The following SCO1 variants were observed in gnomAD, a reference collection of about 807,000 sequenced individuals.
SCO1 encodes the protein synthesis of cytochrome C oxidase 1.
A neutral mutation model predicts 34.0 loss-of-function variants in SCO1; 23 were observed. The observed-to-expected ratio is 0.68, with a 90% CI of 0.49 to 0.96. The LOEUF is 0.96. Ranked by LOEUF, SCO1 falls within the 40% of genes least tolerant of loss-of-function variation. The pLI, the probability that SCO1 is intolerant of heterozygous loss-of-function variation, is 0.00. For synonymous variants in SCO1, 161 were observed against 145.5 expected, an observed-to-expected ratio of 1.11 and a Z score of -0.77; for missense variants, 404 against 381.6, an observed-to-expected ratio of 1.06 and a Z score of -0.49.
intron 1 of SCO1, among the ~76,000 whole-genome samples, chr17:10,696,665 G>A (rs2074729806): frequency 6.6e-6 from 1 of 150,488 alleles, no homozygotes; most frequent in South Asian, 2.1e-4. Flanking sequence ...TGAAGATGAT[G>A]TTGGCCAACT....
chr17:10,695,211 A>C (rs1203453755), intron 2 of SCO1, among the ~76,000 whole-genome samples: 1 of 152,174 alleles, frequency 6.6e-6, no homozygotes, highest in Non-Finnish European at 1.5e-5. Flanking sequence ...AGCCTTCTCA[A>C]ATCTCAAGGC....
chr17:10,685,789 C>T (rs1328123268), intron 5 of SCO1, among the ~76,000 whole-genome samples: 1 of 152,204 alleles, frequency 6.6e-6, no homozygotes, highest in Non-Finnish European at 1.5e-5. Context: ...AAGTGTTGTT[C>T]CAAATGATGG....
chr17:10,692,000 C>T, intron 3 of SCO1, 36 bp from the exon 4 acceptor site: 1 of 1,436,088 alleles, frequency 7.0e-7, no homozygotes, highest in Non-Finnish European at 9.8e-7. Flanking sequence ...TATTCACACC[C>T]TAAGGGAAAA....
intron 5 of SCO1, among the ~76,000 whole-genome samples, chr17:10,681,701 GT>G (rs751524876): frequency 6.6e-6 from 1 of 152,146 alleles, no homozygotes; most frequent in Non-Finnish European, 1.5e-5. Context: ...TTAAGTGTTG[GT>G]GAAAAACTGC....
rs1050763914 is a variant in SCO1 at position 10,673,480 on chromosome 17, G to A, written c.*7639C>T. On this transcript the variant is annotated 3_prime_UTR_variant, in exon 6 of 6. Transcript: ENST00000255390. ...GCCATACAAAGGCCTGCCCTGCTTC[G>A]GGCACTGAACGCTTGCCTGTCTCCG... is the stretch of plus-strand genomic sequence containing the variant. 3 of 152,280 alleles carry A rather than the reference G, an allele frequency of 2.0e-5. No homozygotes were observed. Among genetic ancestry groups the A allele is most frequent in the South Asian group, 2.1e-4 (1 of 4,822 alleles). The allele number at this position is 152,280 out of a possible 1,614,324, so 9.4% of individuals were successfully genotyped here. A position where few individuals can be genotyped will look rare whatever the true frequency, so the allele number is the denominator to read the frequency against.
In SCO1 at chr17:10,681,210, T is replaced by C. The variant is rs1374456020; in HGVS notation, c.815A>G (p.Glu272Gly). ...GTTCTGGCCAAAATAATCTAGAAAC[T>C]CACCATCTGGTCCAATCAAGTACAT... is the stretch of plus-strand genomic sequence containing the variant. ...IIMYLIGPDGEFLDYFGQNKR... is the reference protein window; with the variant it reads ...IIMYLIGPDGGFLDYFGQNKR... The change falls in exon 6 of 6, where the codon GAG becomes GGG. Residue 272 changes from glutamate to glycine, a missense_variant. Physicochemically the swap from Glu to Gly is moderately conservative, Grantham distance 98. Coordinates refer to ENST00000255390, the MANE Select transcript of SCO1 (RefSeq NM_004589.4). The C allele has an allele frequency of 6.2e-7, 1 of 1,614,008 alleles. No individual in the cohort carries two copies. The highest frequency in any genetic ancestry group is 1.3e-5 in the African/African-American group (1 of 74,920).
chr17:10,691,799 G>C, intron 4 of SCO1, 73 bp downstream of exon 4: 4 of 923,756 alleles, frequency 4.3e-6, no homozygotes, highest in Non-Finnish European at 7.0e-6. Flanking sequence ...ACAAGGCACT[G>C]TAAGGTTCAA....
rs1198219916 is a variant in SCO1 at position 10,680,158 on chromosome 17, T to C, written c.*961A>G. The C allele has an allele frequency of 6.6e-6, 1 of 152,268 alleles. No homozygotes were observed. The highest frequency in any genetic ancestry group is 2.4e-5 in the African/African-American group (1 of 41,458). 9.4% of individuals were successfully genotyped at this position (152,268 alleles called of 1,614,324 possible). Reference sequence around the variant, plus strand: ...TCCGAGTCACCTGGGGTATCTGTCATGGAAGCAGGTCTCTGCATCATACTG... The same window carrying C: ...TCCGAGTCACCTGGGGTATCTGTCACGGAAGCAGGTCTCTGCATCATACTG... On this transcript the variant is annotated 3_prime_UTR_variant, in exon 6 of 6. Transcript: ENST00000255390.
At chr17:10,682,734 C>G (rs2074630501) in intron 5 of SCO1, among the ~76,000 whole-genome samples, 1 of 152,184 alleles carries the variant, frequency 6.6e-6, no homozygotes, top group Admixed American at 6.5e-5. Context: ...CAGAGGTCTA[C>G]AGAGGTCTTC....
chr17:10,693,928 G>T (rs1214244808), intron 2 of SCO1, among the ~76,000 whole-genome samples: 1 of 152,200 alleles, frequency 6.6e-6, no homozygotes, highest in Non-Finnish European at 1.5e-5. Context: ...ATAAATAAAT[G>T]AATACATTGA....
Position 10,681,075 on chromosome 17 carries a change from T to G in SCO1, c.*44A>C. The G allele has an allele frequency of 6.2e-7, 1 of 1,612,564 alleles. No individual in the cohort carries two copies. Among genetic ancestry groups the G allele is most frequent in the Non-Finnish European group, 8.5e-7 (1 of 1,178,558 alleles). On this transcript the variant is annotated 3_prime_UTR_variant, in exon 6 of 6. Coordinates refer to ENST00000255390, the MANE Select transcript of SCO1 (RefSeq NM_004589.4). ...TAGGCTCCTATGCGAGACAGTTTCC[T>G]TCCTCTTAGCAAGAGAATACTGCAT...
At chr17:10,694,766 TTTTG>T (rs201705893) in intron 2 of SCO1, among the ~76,000 whole-genome samples, 2,776 of 152,308 alleles carry the variant, frequency 0.018, 95 homozygotes, top group African/African-American at 0.063. Context: ...CTTTCCTAGC[TTTTG>T]TTTCTTTGTG....
At chr17:10,686,241 C>A (rs758727661) in intron 5 of SCO1, among the ~76,000 whole-genome samples, 1 of 150,592 alleles carries the variant, frequency 6.6e-6, no homozygotes, top group Non-Finnish European at 1.5e-5. Flanking sequence ...GACTCCGTCT[C>A]GAAAATAAAT....
chr17:10,689,245 T>C (rs998326354), intron 4 of SCO1, among the ~76,000 whole-genome samples: 1 of 152,050 alleles, frequency 6.6e-6, no homozygotes, highest in Non-Finnish European at 1.5e-5. Context: ...GACTGTGGGA[T>C]GGTTTCAGTT....
intron 3 of SCO1, 152 bp from the exon 4 acceptor site, chr17:10,692,116 G>A: frequency 2.9e-6 from 2 of 689,482 alleles, no homozygotes; most frequent in South Asian, 3.1e-5. Flanking sequence ...GAAGAGGACG[G>A]GGAAGGGGAT....
chr17:10,697,151 T>C, intron 1 of SCO1, 84 bp downstream of exon 1: 1 of 1,306,436 alleles, frequency 7.7e-7, no homozygotes. Context: ...GAGTAGTGTC[T>C]GAGGTTACGA....
At chr17:10,690,263 G>T (rs1336959023) in intron 4 of SCO1, among the ~76,000 whole-genome samples, 2 of 152,106 alleles carry the variant, frequency 1.3e-5, no homozygotes, top group Non-Finnish European at 2.9e-5. Context: ...GAGACAACCT[G>T]GAGAATGGGA....
intron 1 of SCO1, among the ~76,000 whole-genome samples, chr17:10,696,240 T>C (rs534533165): frequency 8.3e-4 from 124 of 150,154 alleles, no homozygotes; most frequent in Non-Finnish European, 1.6e-3. Context: ...AGGTCGGGAG[T>C]TTGAGACCAG....
intron 2 of SCO1, among the ~76,000 whole-genome samples, chr17:10,695,286 T>TAAA (rs2074714409): frequency 6.6e-6 from 1 of 152,204 alleles, no homozygotes; most frequent in Admixed American, 6.5e-5. Flanking sequence ...TCGCATCTAG[T>TAAA]AAAATACTTT....
Sources: allele counts gnomAD v4.1 joint callset (sites outside exome capture counted in the v4.1 genomes callset), GRCh38; gene constraint gnomAD v4.1.1; transcripts MANE v1.5; gene names NCBI Gene and HGNC (gene_info 2026-07-23, HGNC 2026-07-21).